UGT2B7: variants seen among roughly 807,000 people sequenced by gnomAD.
UGT2B7 encodes UDP glucuronosyltransferase family 2 member B7.
A neutral mutation model predicts 51.9 loss-of-function variants in UGT2B7; 51 were observed. That is an observed-to-expected ratio of 0.98 (90% CI 0.78 to 1.24). The LOEUF is 1.24. UGT2B7 is among the 50% of genes most tolerant of loss of function. UGT2B7 has a pLI of 0.00. For synonymous variants in UGT2B7, 225 were observed against 211.6 expected (o/e 1.06, Z -0.55); for missense variants, 727 against 628.4 (o/e 1.16, Z -1.68).
At chr4:69,086,521 G>T (rs1718963528) in intron 1 of UGT2B7, among the ~76,000 whole-genome samples, 1 of 151,724 alleles carries the variant, frequency 6.6e-6, no homozygotes, top group Admixed American at 6.6e-5. Flanking sequence ...TTAACTCTGA[G>T]GTTTTTTCAT....
chr4:69,069,921 T>C (rs1718565033), intron 1 of UGT2B7: 1 of 152,134 alleles, frequency 6.6e-6, no homozygotes, highest in African/African-American at 2.4e-5. Flanking sequence ...GCAGGCATGA[T>C]ACAGAAAATC....
intron 1 of UGT2B7, among the ~76,000 whole-genome samples, chr4:69,076,259 T>C (rs1203287203): frequency 1.3e-5 from 2 of 152,182 alleles, no homozygotes; most frequent in Non-Finnish European, 2.9e-5. Flanking sequence ...TGTGTCTTTA[T>C]AATAGAATGA....
intron 1 of UGT2B7, among the ~76,000 whole-genome samples, chr4:69,078,279 C>T (rs1400011386): frequency 6.6e-6 from 1 of 151,952 alleles, no homozygotes; most frequent in South Asian, 2.1e-4. Context: ...TGTGGTTCTG[C>T]CAGGTTTTGG....
chr4:69,072,025 TG>T, intron 1 of UGT2B7, among the ~76,000 whole-genome samples: 1 of 152,226 alleles, frequency 6.6e-6, no homozygotes, highest in East Asian at 1.9e-4. Context: ...AAATAATCTT[TG>T]TCTATTCATG....
chr4:69,108,563 T>A (rs1020719603), intron 5 of UGT2B7, among the ~76,000 whole-genome samples: 3 of 152,072 alleles, frequency 2.0e-5, no homozygotes, highest in Admixed American at 6.6e-5. Context: ...TAAAAGGATA[T>A]AGATAATACA....
In UGT2B7 at chr4:69,107,081, T is replaced by C. The variant is rs912804857; in HGVS notation, c.1003-94T>C. ...TTTGAGTAGTTCTTATTTACTAACA[T>C]CCCTTGATCTCATTCCTACTCTTTA... On this transcript the variant is annotated intron_variant, in intron 3 of 5. Coordinates refer to ENST00000305231, the MANE Select transcript of UGT2B7 (RefSeq NM_001074.4). 5 of 1,325,728 alleles carry C rather than the reference T, an allele frequency of 3.8e-6. No individual in the cohort carries two copies. The African/African-American group carries it at 7.5e-5, about 20-fold the overall frequency. The allele number at this position is 1,325,728 out of a possible 1,614,324, so 82.1% of individuals were successfully genotyped here.
Position 69,086,135 on chromosome 4 carries a change from C to T in UGT2B7, c.-158-3337C>T, listed in dbSNP as rs1014746598. On this transcript the variant is annotated intron_variant, in intron 1 of 5. Transcript: ENST00000502942. ...CATTTTTAATGAAGACATTTATTGG[C>T]ATATATTTGTTGTTTTAGAACTTAT... Among the ~76,000 whole-genome samples, 3 of 151,406 alleles carry T rather than the reference C, an allele frequency of 2.0e-5. No individual in the cohort carries two copies. The East Asian group carries it at 5.8e-4, about 29-fold the overall frequency.
exon 1 of UGT2B7, chr4:69,051,519 G>A (rs1205565300): frequency 6.6e-6 from 1 of 152,504 alleles, no homozygotes; most frequent in East Asian, 1.9e-4. Flanking sequence ...CAGAGAAGCA[G>A]GTAGCAGGCC....
intron 1 of UGT2B7, among the ~76,000 whole-genome samples, chr4:69,075,952 C>T (rs1718694298): frequency 1.3e-5 from 2 of 152,020 alleles, no homozygotes; most frequent in Admixed American, 1.3e-4. Flanking sequence ...ATAACAGGCC[C>T]CACTGTGTGA....
At position 69,103,045 on chromosome 4, in the gene UGT2B7, T is replaced by C. The variant is rs932324960; in HGVS notation, c.1002+107T>C. 5 of 1,520,626 alleles carry C rather than the reference T, an allele frequency of 3.3e-6. No homozygotes were observed. In the African/African-American group the frequency reaches 5.7e-5, roughly 17 times the overall value. The allele number at this position is 1,520,626 out of a possible 1,614,324, so 94.2% of individuals were successfully genotyped here. On this transcript the variant is annotated intron_variant, in intron 3 of 5. Coordinates refer to ENST00000305231, the MANE Select transcript of UGT2B7 (RefSeq NM_001074.4). The stretch of plus-strand genomic sequence containing the variant: ...TGATAAATGTGAAGTTGACCAAAAG[T>C]TGAAAAATTAGAACAAGGATAATCT...
chr4:69,106,478 T>C (rs1430013429), intron 3 of UGT2B7, among the ~76,000 whole-genome samples: 1 of 152,164 alleles, frequency 6.6e-6, no homozygotes, highest in African/African-American at 2.4e-5. Flanking sequence ...ATATGTACCA[T>C]ATTTTCTCTA....
chr4:69,095,530 T>C (rs1189741071), upstream of UGT2B7, among the ~76,000 whole-genome samples: 1 of 152,178 alleles, frequency 6.6e-6, no homozygotes, highest in African/African-American at 2.4e-5. Context: ...TTTAAGTTAA[T>C]ATTTATAGAA....
chr4:69,070,852 G>A (rs1168588788), intron 1 of UGT2B7, among the ~76,000 whole-genome samples: 1 of 152,048 alleles, frequency 6.6e-6, no homozygotes, highest in Non-Finnish European at 1.5e-5. Context: ...AACTCTCTTA[G>A]CGTGGCGTTT....
intron 1 of UGT2B7, among the ~76,000 whole-genome samples, chr4:69,085,387 G>A (rs1415284938): frequency 2.0e-5 from 3 of 152,064 alleles, no homozygotes; most frequent in Non-Finnish European, 4.4e-5. Flanking sequence ...GGGATAGATT[G>A]CAAAAATTTT....
chr4:69,086,289 T>C (rs543454185), intron 1 of UGT2B7, among the ~76,000 whole-genome samples: 5 of 152,006 alleles, frequency 3.3e-5, no homozygotes, highest in African/African-American at 1.2e-4. Context: ...TAGTTGTACA[T>C]GTTCCCATAT....
At chr4:69,058,751 C>T (rs941982921) in intron 1 of UGT2B7, among the ~76,000 whole-genome samples, 1 of 152,030 alleles carries the variant, frequency 6.6e-6, no homozygotes, top group African/African-American at 2.4e-5. Context: ...TGTACATTAA[C>T]GGAGATCAGG....
intron 1 of UGT2B7, among the ~76,000 whole-genome samples, chr4:69,070,199 CA>C (rs573803568): frequency 1.3e-3 from 199 of 147,856 alleles, no homozygotes; most frequent in African/African-American, 4.6e-3. Flanking sequence ...CTGTGCATTT[CA>C]AAAAAACCTC....
chr4:69,066,834 AAAT>A (rs1718492475), intron 1 of UGT2B7, among the ~76,000 whole-genome samples: 1 of 152,114 alleles, frequency 6.6e-6, no homozygotes, highest in African/African-American at 2.4e-5. Context: ...TAGATGTTGC[AAAT>A]GCAACTGAAA....
intron 1 of UGT2B7, among the ~76,000 whole-genome samples, chr4:69,083,708 A>C (rs989794289): frequency 6.6e-6 from 1 of 152,090 alleles, no homozygotes; most frequent in African/African-American, 2.4e-5. Flanking sequence ...ACGGAAACAC[A>C]ACTGATTTTT....
Sources: gnomAD v4.1 joint callset for allele counts (sites outside exome capture counted in the v4.1 genomes callset) on GRCh38, gnomAD v4.1.1 for gene constraint, MANE v1.5 for transcripts, NCBI Gene and HGNC (gene_info 2026-07-23, HGNC 2026-07-21) for gene names.